The following EXOC6B variants were observed in gnomAD, a reference collection of about 807,000 sequenced individuals.
EXOC6B encodes the protein SEC15 homolog B.
In EXOC6B, 54 loss-of-function variants were observed where a neutral mutation model predicts 113.5. The observed-to-expected ratio is 0.48, with a 90% CI of 0.38 to 0.60. EXOC6B has a LOEUF of 0.60. EXOC6B is among the 20% of genes least tolerant of loss of function. EXOC6B has a pLI of 0.00. For missense variants in EXOC6B, 797 were observed against 977.5 expected (o/e 0.82, Z 2.46); for synonymous variants, 357 against 339.0 (o/e 1.05, Z -0.58).
intron 18 of EXOC6B, among the ~76,000 whole-genome samples, chr2:72,435,599 T>A (rs1025062535): frequency 6.6e-6 from 1 of 152,210 alleles, no homozygotes; most frequent in Non-Finnish European, 1.5e-5. Context: ...CTGTATTGGG[T>A]GAATATATAT....
At chr2:72,509,880 C>G (rs1350811647) in intron 11 of EXOC6B, among the ~76,000 whole-genome samples, 1 of 152,104 alleles carries the variant, frequency 6.6e-6, no homozygotes, top group Non-Finnish European at 1.5e-5. Flanking sequence ...GTCACCCAGG[C>G]TGGAGTGCAG....
intron 6 of EXOC6B, among the ~76,000 whole-genome samples, chr2:72,623,010 C>T (rs1282657533): frequency 6.6e-6 from 1 of 152,048 alleles, no homozygotes; most frequent in Non-Finnish European, 1.5e-5. Flanking sequence ...TGGAAGGGGG[C>T]AAGAGAGGAG....
intron 18 of EXOC6B, among the ~76,000 whole-genome samples, chr2:72,413,876 C>T (rs530373436): frequency 6.6e-6 from 1 of 152,280 alleles, no homozygotes; most frequent in South Asian, 2.1e-4. Context: ...ATTGACTCTA[C>T]TGTTCCATGA....
intron 1 of EXOC6B, among the ~76,000 whole-genome samples, chr2:72,765,689 A>C (rs1033513396): frequency 1.3e-5 from 2 of 152,116 alleles, no homozygotes; most frequent in African/African-American, 4.8e-5. Flanking sequence ...ACAAAAACAA[A>C]AACAAAAAAC....
intron 6 of EXOC6B, among the ~76,000 whole-genome samples, chr2:72,625,244 A>C (rs1433632914): frequency 1.3e-5 from 2 of 151,164 alleles, no homozygotes; most frequent in East Asian, 3.9e-4. Context: ...TATATATATG[A>C]ATATATATGT....
At chr2:72,426,898 A>T (rs977247647) in intron 18 of EXOC6B, among the ~76,000 whole-genome samples, 48 of 152,210 alleles carry the variant, frequency 3.2e-4, no homozygotes, top group African/African-American at 1.1e-3. Context: ...CAGGGGCAGA[A>T]ATGGCGGCAG....
At chr2:72,749,576 C>T (rs999161200) in intron 1 of EXOC6B, among the ~76,000 whole-genome samples, 1 of 151,402 alleles carries the variant, frequency 6.6e-6, no homozygotes, top group Admixed American at 6.6e-5. Flanking sequence ...CACAAAACTG[C>T]AATTACTTTT....
chr2:72,345,994 A>G (rs547493238), intron 19 of EXOC6B, among the ~76,000 whole-genome samples: 1 of 152,276 alleles, frequency 6.6e-6, no homozygotes, highest in African/African-American at 2.4e-5. Flanking sequence ...AACTGTTCCA[A>G]AAATTAAAGT....
intron 1 of EXOC6B, among the ~76,000 whole-genome samples, chr2:72,769,380 A>G (rs1683279759): frequency 6.6e-6 from 1 of 152,228 alleles, no homozygotes; most frequent in Non-Finnish European, 1.5e-5. Flanking sequence ...TCATGACAAC[A>G]GTGTAAGATG....
chr2:72,219,829 AT>A (rs1028916638), intron 20 of EXOC6B, among the ~76,000 whole-genome samples: 2 of 152,048 alleles, frequency 1.3e-5, no homozygotes, highest in Non-Finnish European at 2.9e-5. Context: ...TTTTTTTGTA[AT>A]TGGTAGTACA....
Position 72,557,130 on chromosome 2 carries a change from A to T in EXOC6B, c.915+2323T>A, listed in dbSNP as rs1357575222. ...CGCAACATCATCTGAGTAAATTAAA[A>T]GCACATACATATACAAATCACTATA... On this transcript the variant is annotated intron_variant, in intron 8 of 21. Transcript: ENST00000272427. 3.3e-5 allele frequency among the ~76,000 whole-genome samples: 5 copies of T among 152,000 alleles called. No individual in the cohort carries two copies. In the East Asian group the frequency reaches 9.6e-4, roughly 29 times the overall value.
At chr2:72,822,295 G>A (rs1426584706) in intron 1 of EXOC6B, among the ~76,000 whole-genome samples, 1 of 152,132 alleles carries the variant, frequency 6.6e-6, no homozygotes, top group East Asian at 1.9e-4. Context: ...AGGACTCACA[G>A]ATAACAAAAT....
At chr2:72,426,583 C>T (rs551078274) in intron 18 of EXOC6B, among the ~76,000 whole-genome samples, 2 of 152,222 alleles carry the variant, frequency 1.3e-5, no homozygotes, top group South Asian at 4.1e-4. Flanking sequence ...TTCAAACATA[C>T]TTCTATAAGA....
chr2:72,323,315 C>T (rs570894595), intron 20 of EXOC6B, among the ~76,000 whole-genome samples: 2 of 152,170 alleles, frequency 1.3e-5, no homozygotes, highest in East Asian at 3.9e-4. Context: ...GAATGGTGAT[C>T]ATTAAAAAGT....
chr2:72,341,915 A>G (rs573039508), intron 19 of EXOC6B, among the ~76,000 whole-genome samples: 11 of 152,294 alleles, frequency 7.2e-5, no homozygotes, highest in African/African-American at 2.4e-4. Flanking sequence ...ATAATGGTAT[A>G]TAAAACCAGA....
At chr2:72,765,802 A>C (rs1683024698) in intron 1 of EXOC6B, among the ~76,000 whole-genome samples, 2 of 152,328 alleles carry the variant, frequency 1.3e-5, no homozygotes, top group Non-Finnish European at 2.9e-5. Context: ...TTTCCCCCTC[A>C]AGGTAAGTAC....
At chr2:72,765,579 G>A (rs969260193) in intron 1 of EXOC6B, among the ~76,000 whole-genome samples, 9 of 152,120 alleles carry the variant, frequency 5.9e-5, no homozygotes, top group South Asian at 4.2e-4. Flanking sequence ...AGGCTGAGGC[G>A]GGAGAATCAC....
At chr2:72,337,481 C>G (rs1688758204) in intron 19 of EXOC6B, among the ~76,000 whole-genome samples, 2 of 152,162 alleles carry the variant, frequency 1.3e-5, no homozygotes, top group Admixed American at 1.3e-4. Flanking sequence ...GCTACACATT[C>G]TTGAATCTCC....
chr2:72,296,850 CAT>C (rs1174490861), intron 20 of EXOC6B, among the ~76,000 whole-genome samples: 1 of 152,154 alleles, frequency 6.6e-6, no homozygotes, highest in African/African-American at 2.4e-5. Flanking sequence ...TAGTTACAGT[CAT>C]GTGAAAAGAA....
Sources: allele counts gnomAD v4.1 joint callset (sites outside exome capture counted in the v4.1 genomes callset), GRCh38; gene constraint gnomAD v4.1.1; transcripts MANE v1.5; gene names NCBI Gene and HGNC (gene_info 2026-07-23, HGNC 2026-07-21).